RAPGEF1: variants seen among roughly 807,000 people sequenced by gnomAD.
RAPGEF1 encodes the protein CRK SH3-binding GNRP.
RAPGEF1 carries 33 observed loss-of-function variants against 143.3 expected under a neutral mutation model. That is an observed-to-expected ratio of 0.23 (90% confidence interval 0.17 to 0.31). The LOEUF is 0.31. RAPGEF1 is among the 10% of genes least tolerant of loss of function. RAPGEF1 has a pLI of 1.00. For missense variants in RAPGEF1, 1,199 were observed against 1,645.4 expected (o/e 0.73, Z 4.69); for synonymous variants, 629 against 676.5 (o/e 0.93, Z 1.09).
intron 21 of RAPGEF1, 37 bp downstream of exon 21, chr9:131,587,904 CA>C: frequency 7.7e-7 from 1 of 1,304,434 alleles, no homozygotes; most frequent in Non-Finnish European, 1.1e-6. Flanking sequence ...CATTCAGGGA[CA>C]AACAGTGTGG....
At position 131,586,795 on chromosome 9, in the gene RAPGEF1, A is replaced by AACAC. The variant is rs71372752; in HGVS notation, c.3233+937_3233+940dup. ...ACACCTGCAGAGCGAGACTCCGTCAAACACACACACACACACACACACCTG... is the reference window on the plus strand; with the variant it reads ...ACACCTGCAGAGCGAGACTCCGTCAAACACACACACACACACACACACACACCTG... On this transcript the variant is annotated intron_variant, in intron 22 of 26. Coordinates refer to ENST00000683357, the MANE Select transcript of RAPGEF1 (RefSeq NM_001377935.1). Among the ~76,000 whole-genome samples, 161 of 20,434 alleles carry AACAC rather than the reference A, an allele frequency of 7.9e-3. 17 individuals carry two copies. The highest frequency in any genetic ancestry group is 0.029 in the African/African-American group (127 of 4,342). The allele number at this position is 20,434 out of a possible 152,430, so 13.4% of individuals were successfully genotyped here.
Position 131,598,386 on chromosome 9 carries a change from G to A in RAPGEF1, c.2502-76C>T, listed in dbSNP as rs550165262. 1.5e-3 allele frequency: 1,924 copies of A among 1,294,264 alleles called. 5 individuals are homozygous for A. The highest frequency in any genetic ancestry group is 1.8e-3 in the Non-Finnish European group (1,637 of 909,492). 80.2% of individuals were successfully genotyped at this position (1,294,264 alleles called of 1,614,324 possible). On this transcript the variant is annotated intron_variant, in intron 15 of 26. Transcript: ENST00000683357. Reference sequence around the variant, plus strand: ...GATGCCTGGAGGCCAAGGCAGTGCCGGTGTGCACGGCTCGAAACCGCTCCC... The same window carrying A: ...GATGCCTGGAGGCCAAGGCAGTGCCAGTGTGCACGGCTCGAAACCGCTCCC...
chr9:131,598,278 G>A lies in RAPGEF1; in HGVS notation c.2534C>T (p.Ala845Val), dbSNP rs1564485501. The change falls in exon 16 of 27, where the codon GCT (alanine) becomes GTT (valine). Residue 845 changes from alanine (A) to valine (V), a missense_variant. Coordinates refer to ENST00000683357, the MANE Select transcript of RAPGEF1 (RefSeq NM_001377935.1). Reference sequence around the variant, plus strand: ...CTCGTCCACTTCCTCCTCCGACTGAGCCGACTCCAGAGCATCTGGTGACTT... The same window carrying A: ...CTCGTCCACTTCCTCCTCCGACTGAACCGACTCCAGAGCATCTGGTGACTT... ...APKSPDALES[A>V]QSEEEVDELS... The A allele has an allele frequency of 6.2e-7, 1 of 1,613,986 alleles. No individual in the cohort carries two copies. Among genetic ancestry groups the A allele is most frequent in the Non-Finnish European group, 8.5e-7 (1 of 1,179,888 alleles).
At position 131,643,251 on chromosome 9, in the gene RAPGEF1, C is replaced by T. The variant is rs1216895774; in HGVS notation, c.482G>A (p.Arg161Gln). The T allele has an allele frequency of 3.7e-6, 6 of 1,610,974 alleles. No homozygotes were observed. Among genetic ancestry groups the T allele is most frequent in the Admixed American group, 1.7e-5 (1 of 59,766 alleles). Reference protein sequence around the residue: ...AILPLVQNDPRIQHSSALSSC... With the variant: ...AILPLVQNDPQIQHSSALSSC... ...CAGAGCCACTCACCTGTGCTGAATT[C>T]GAGGATCGTTCTGCACCAGGGGTAA... The change falls in exon 4 of 27, where the codon CGA becomes CAA. Residue 161 changes from arginine to glutamine, a missense_variant. Arg to Gln is a conservative substitution (Grantham distance 43, BLOSUM62 1). Around this residue, in one of 6 missense-constraint regions of RAPGEF1, gnomAD observed 613 missense variants for 710.9 expected, o/e 0.86. Coordinates refer to ENST00000683357, the MANE Select transcript of RAPGEF1 (RefSeq NM_001377935.1).
chr9:131,685,598 G>A (rs1833276993), intron 1 of RAPGEF1, among the ~76,000 whole-genome samples: 1 of 152,160 alleles, frequency 6.6e-6, no homozygotes, highest in South Asian at 2.1e-4. Context: ...TTCCCATAAG[G>A]GATACTTTTA....
chr9:131,629,316 G>A, intron 6 of RAPGEF1, 62 bp from the exon 7 acceptor site: 1 of 1,508,016 alleles, frequency 6.6e-7, no homozygotes, highest in Non-Finnish European at 9.1e-7. Flanking sequence ...GCACACACAG[G>A]CCCTGAGAGG....
chr9:131,651,080 G>A, intron 1 of RAPGEF1, 131 bp from the exon 2 acceptor site: 1 of 1,147,704 alleles, frequency 8.7e-7, no homozygotes, highest in Non-Finnish European at 1.2e-6. Context: ...CAAGGGAAAG[G>A]ACGTATGGAT....
chr9:131,687,537 C>T (rs961062359), intron 1 of RAPGEF1, among the ~76,000 whole-genome samples: 1 of 152,150 alleles, frequency 6.6e-6, no homozygotes, highest in African/African-American at 2.4e-5. Flanking sequence ...AGTCTGTTCT[C>T]AACTGAGCAT....
At chr9:131,705,722 CAG>C (rs1835002298) in intron 1 of RAPGEF1, among the ~76,000 whole-genome samples, 1 of 152,146 alleles carries the variant, frequency 6.6e-6, no homozygotes, top group Non-Finnish European at 1.5e-5. Flanking sequence ...AACCATAAGT[CAG>C]ACAGTATAAT....
At chr9:131,657,801 C>T (rs1008082031) in intron 1 of RAPGEF1, among the ~76,000 whole-genome samples, 13 of 152,322 alleles carry the variant, frequency 8.5e-5, no homozygotes, top group South Asian at 2.1e-4. Flanking sequence ...ACAGGCAGCC[C>T]GACTCTGACT....
chr9:131,657,241 G>GCAGA (rs770965642), intron 1 of RAPGEF1, among the ~76,000 whole-genome samples: 107 of 152,238 alleles, frequency 7.0e-4, no homozygotes, highest in East Asian at 1.9e-3. Context: ...AGACAGGCAG[G>GCAGA]CAGACAGACA....
At chr9:131,659,351 A>G (rs1198433985) in intron 1 of RAPGEF1, among the ~76,000 whole-genome samples, 1 of 151,790 alleles carries the variant, frequency 6.6e-6, no homozygotes, top group East Asian at 1.9e-4. Context: ...CTATTTATTT[A>G]TTTTATCTTG....
intron 12 of RAPGEF1, among the ~76,000 whole-genome samples, chr9:131,611,083 C>T (rs1434812772): frequency 3.3e-5 from 5 of 152,202 alleles, no homozygotes; most frequent in Non-Finnish European, 5.9e-5. Flanking sequence ...AAAACAATAA[C>T]TATACCTTAC....
rs1589137486 is a variant in RAPGEF1 at position 131,739,553 on chromosome 9, C to T, written c.61+217G>A. ...GTTGCAGGGGCCCCGCCCGGCCCGGCCCCTGGCGCCCCCGCAGCGGCCGCT... is the reference window on the plus strand; with the variant it reads ...GTTGCAGGGGCCCCGCCCGGCCCGGTCCCTGGCGCCCCCGCAGCGGCCGCT... On this transcript the variant is annotated intron_variant, in intron 1 of 26. Transcript: ENST00000683357. 2.0e-5 allele frequency among the ~76,000 whole-genome samples: 3 copies of T among 150,576 alleles called. No homozygotes were observed. The South Asian group carries it at 6.2e-4, about 31-fold the overall frequency.
At chr9:131,592,395 A>C (rs1274039971) in intron 17 of RAPGEF1, among the ~76,000 whole-genome samples, 2 of 152,190 alleles carry the variant, frequency 1.3e-5, no homozygotes, top group Admixed American at 6.5e-5. Flanking sequence ...CATCTCTCAA[A>C]GGAAACGGCA....
chr9:131,737,551 C>T, intron 1 of RAPGEF1: 1 of 1,602,954 alleles, frequency 6.2e-7, no homozygotes, highest in Non-Finnish European at 8.5e-7. Context: ...CAAGGACAAA[C>T]TATGCTGAAA....
In RAPGEF1 at chr9:131,691,303, G is replaced by C. The variant is rs1182296898; in HGVS notation, c.62-40354C>G. On this transcript the variant is annotated intron_variant, in intron 1 of 26. Coordinates refer to ENST00000683357, the MANE Select transcript of RAPGEF1 (RefSeq NM_001377935.1). Reference sequence around the variant, plus strand: ...GTCTCTCTGACCTCAAATTCACTTTGAGGTTTCTCAGTTGGGCCCCCAGAA... The same window carrying C: ...GTCTCTCTGACCTCAAATTCACTTTCAGGTTTCTCAGTTGGGCCCCCAGAA... Among the ~76,000 whole-genome samples, 4 of 152,114 alleles carry C rather than the reference G, an allele frequency of 2.6e-5. No individual in the cohort carries two copies. In the East Asian group the frequency reaches 5.8e-4, roughly 22 times the overall value.
intron 1 of RAPGEF1, among the ~76,000 whole-genome samples, chr9:131,670,154 C>A (rs1831133562): frequency 6.6e-6 from 1 of 152,182 alleles, no homozygotes; most frequent in Admixed American, 6.5e-5. Context: ...GCTTCACACA[C>A]CAGCCACACG....
chr9:131,611,304 C>G (rs1442741152), intron 12 of RAPGEF1, among the ~76,000 whole-genome samples: 1 of 152,182 alleles, frequency 6.6e-6, no homozygotes, highest in Non-Finnish European at 1.5e-5. Context: ...AATATCTTCT[C>G]CCTTTTCAAA....
Sources: gnomAD v4.1 joint callset for allele counts (sites outside exome capture counted in the v4.1 genomes callset) on GRCh38, gnomAD v4.1.1 for gene constraint, gnomAD v4.1.1 regional missense constraint, MANE v1.5 for transcripts, NCBI Gene and HGNC (gene_info 2026-07-23, HGNC 2026-07-21) for gene names.